Variants in FHIT observed in about 807,000 individuals in gnomAD.
FHIT encodes bis(5'-adenosyl)-triphosphatase.
In FHIT, 19 loss-of-function variants were observed where a neutral mutation model predicts 17.9. The ratio of observed to expected loss-of-function variants is 1.06; its 90% CI spans 0.74 to 1.56. The LOEUF is 1.56. Ranked by LOEUF, FHIT falls within the 40% of genes most tolerant of loss-of-function variation. The pLI is 0.00. For missense variants in FHIT, 248 were observed against 189.2 expected (o/e 1.31, Z -1.82); for synonymous variants, 81 against 69.7 (o/e 1.16, Z -0.81).
intron 2 of FHIT, among the ~76,000 whole-genome samples, chr3:61,145,720 T>A (rs1467361909): frequency 6.6e-6 from 1 of 151,334 alleles, no homozygotes; most frequent in Non-Finnish European, 1.5e-5. Context: ...AGTTTTCACA[T>A]CTTATACTTC....
chr3:60,711,203 A>T (rs1300057247), intron 4 of FHIT, among the ~76,000 whole-genome samples: 1 of 152,224 alleles, frequency 6.6e-6, no homozygotes, highest in Non-Finnish European at 1.5e-5. Context: ...ACAGACCTGC[A>T]GCTGAGGGTC....
intron 5 of FHIT, among the ~76,000 whole-genome samples, chr3:60,353,420 A>T (rs1402890212): frequency 6.6e-6 from 1 of 152,154 alleles, no homozygotes; most frequent in Non-Finnish European, 1.5e-5. Context: ...TTAAGAGTGA[A>T]AACTGCCAAA....
At chr3:60,534,220 G>A (rs1434688463) in intron 5 of FHIT, among the ~76,000 whole-genome samples, 1 of 149,736 alleles carries the variant, frequency 6.7e-6, no homozygotes, top group Non-Finnish European at 1.5e-5. Flanking sequence ...GAGGTCAGGA[G>A]ATCGAGACCA....
At chr3:59,753,289 CA>C (rs1168445865) in intron 8 of FHIT, among the ~76,000 whole-genome samples, 1 of 152,074 alleles carries the variant, frequency 6.6e-6, no homozygotes, top group Admixed American at 6.6e-5. Flanking sequence ...AATGAGAAAA[CA>C]ACTTACAAAA....
chr3:59,795,415 T>C lies in FHIT; in HGVS notation c.349-43094A>G, dbSNP rs181781103. Among the ~76,000 whole-genome samples, 71 of 151,864 alleles carry C rather than the reference T, an allele frequency of 4.7e-4. No individual in the cohort carries two copies. In the East Asian group the frequency reaches 0.013, roughly 27 times the overall value. On this transcript the variant is annotated intron_variant, in intron 8 of 9. Transcript: ENST00000492590. The stretch of plus-strand genomic sequence containing the variant: ...AAAAAAATACCATAACATTTTTTCT[T>C]CTTATTTTTATATAAAATAAGGCTG...
At chr3:60,961,879 T>A (rs897618717) in intron 3 of FHIT, among the ~76,000 whole-genome samples, 4 of 152,200 alleles carry the variant, frequency 2.6e-5, no homozygotes, top group Non-Finnish European at 5.9e-5. Context: ...TCTAGCTTTG[T>A]TCTTTTGGCT....
chr3:60,843,556 G>A (rs1478878256), intron 3 of FHIT, among the ~76,000 whole-genome samples: 1 of 152,132 alleles, frequency 6.6e-6, no homozygotes, highest in Non-Finnish European at 1.5e-5. Context: ...TTCTTGTGCT[G>A]GATTTTGAAA....
intron 3 of FHIT, among the ~76,000 whole-genome samples, chr3:60,875,923 ATGTGTGTGTGTGTGTGTG>A (rs60177380): frequency 7.3e-6 from 1 of 136,802 alleles, no homozygotes; most frequent in East Asian, 2.2e-4. Context: ...AAACTTATTC[ATGTGTGTGTGTGTGTGTG>A]TGTGTGTGTG....
chr3:60,297,096 CT>C (rs1466417019), intron 5 of FHIT, among the ~76,000 whole-genome samples: 1 of 151,980 alleles, frequency 6.6e-6, no homozygotes. Context: ...CCACCTTATT[CT>C]TTTTCAAATC....
intron 2 of FHIT, among the ~76,000 whole-genome samples, chr3:61,179,045 C>T (rs1302663978): frequency 7.4e-6 from 1 of 134,650 alleles, no homozygotes; most frequent in African/African-American, 2.9e-5. Flanking sequence ...GAGTCTCACT[C>T]TGTTGCCCAG....
chr3:60,846,137 A>G (rs908498158), intron 3 of FHIT, among the ~76,000 whole-genome samples: 1 of 152,198 alleles, frequency 6.6e-6, no homozygotes, highest in Non-Finnish European at 1.5e-5. Flanking sequence ...GCTTAGCTAC[A>G]TTGTTAGAGA....
At chr3:60,308,494 G>GTA (rs1308402989) in intron 5 of FHIT, among the ~76,000 whole-genome samples, 8 of 52,320 alleles carry the variant, frequency 1.5e-4, no homozygotes, top group African/African-American at 7.1e-4. Flanking sequence ...ATAGGTGTAT[G>GTA]TGTATATATA....
intron 3 of FHIT, among the ~76,000 whole-genome samples, chr3:60,860,706 T>G (rs541976034): frequency 8.7e-6 from 1 of 114,946 alleles, no homozygotes; most frequent in African/African-American, 3.0e-5. Flanking sequence ...TATGTACATA[T>G]GTACATATAT....
At chr3:60,225,773 G>A (rs558260779) in intron 5 of FHIT, among the ~76,000 whole-genome samples, 57 of 152,084 alleles carry the variant, frequency 3.7e-4, no homozygotes, top group Non-Finnish European at 6.6e-4. Flanking sequence ...GATAACAGAC[G>A]GACAGGGGAG....
In FHIT at chr3:60,714,967, G is replaced by A. The variant is rs561919974; in HGVS notation, c.-18+106952C>T. ...TTCATATGGAACCAAAAAAGAGCCC[G>A]CATCGCCAAGTCAATCCTAAGCCAA... is the stretch of plus-strand genomic sequence containing the variant. On this transcript the variant is annotated intron_variant, in intron 4 of 9. Transcript: ENST00000492590. Among the ~76,000 whole-genome samples the A allele has an allele frequency of 1.3e-3, 200 of 152,060 alleles. 1 individual carries two copies. Among genetic ancestry groups the A allele is most frequent in the African/African-American group, 4.6e-3 (191 of 41,456 alleles).
At chr3:60,196,892 G>C (rs1702669223) in intron 5 of FHIT, among the ~76,000 whole-genome samples, 1 of 151,704 alleles carries the variant, frequency 6.6e-6, no homozygotes, top group Admixed American at 6.6e-5. Flanking sequence ...GCTTTTGTGT[G>C]GGCAAAAAGC....
intron 8 of FHIT, among the ~76,000 whole-genome samples, chr3:59,868,323 G>A (rs1156568953): frequency 1.5e-5 from 2 of 129,066 alleles, no homozygotes; most frequent in East Asian, 2.4e-4. Flanking sequence ...TTAGTATTGT[G>A]CCATTTCCAC....
intron 1 of FHIT, among the ~76,000 whole-genome samples, chr3:61,206,854 T>C (rs1226328611): frequency 6.6e-6 from 1 of 152,184 alleles, no homozygotes; most frequent in African/African-American, 2.4e-5. Context: ...TCCAACACTA[T>C]ATTGAATAGG....
At chr3:60,928,896 G>A (rs1204178860) in intron 3 of FHIT, among the ~76,000 whole-genome samples, 1 of 152,112 alleles carries the variant, frequency 6.6e-6, no homozygotes, top group Non-Finnish European at 1.5e-5. Flanking sequence ...ACCAAAGCCT[G>A]GCAGAGACAC....
Sources: allele counts gnomAD v4.1 joint callset (sites outside exome capture counted in the v4.1 genomes callset), GRCh38; gene constraint gnomAD v4.1.1; transcripts MANE v1.5; gene names NCBI Gene and HGNC (gene_info 2026-07-23, HGNC 2026-07-21).